TATDN3: variants seen among roughly 807,000 people sequenced by gnomAD.
TATDN3 encodes the protein deoxyribonuclease TATDN3.
In TATDN3, 29 loss-of-function variants were observed where a neutral mutation model predicts 40.1. The ratio of observed to expected loss-of-function variants is 0.72; its 90% CI spans 0.54 to 0.99. The LOEUF is 0.99. TATDN3 is among the 50% of genes least tolerant of loss of function. The probability of loss-of-function intolerance (pLI) is 0.00; values close to 1 mark genes in which losing one functional copy is unlikely to be tolerated. For missense variants in TATDN3, 309 were observed against 321.9 expected (o/e 0.96, Z 0.31); for synonymous variants, 105 against 117.0 (o/e 0.90, Z 0.66).
chr1:212,802,790 G>C (rs901147310), intron 5 of TATDN3, 27 bp downstream of exon 5: 3 of 1,506,468 alleles, frequency 2.0e-6, no homozygotes, highest in Non-Finnish European at 2.8e-6. Flanking sequence ...TGATCAAACA[G>C]CTTCTAATTC....
At position 212,815,188 on chromosome 1, in the gene TATDN3, A is replaced by C. The variant is rs780274080; in HGVS notation, c.*32A>C. 6.3e-7 allele frequency: 1 copy of C among 1,588,782 alleles called. No individual in the cohort carries two copies. The highest frequency in any genetic ancestry group is 8.5e-7 in the Non-Finnish European group (1 of 1,170,966). ...AACCATCCATTACAAAATCGAATCA[A>C]CTGCAGGGGGCAGCATTTGAAAAAT... On this transcript the variant is annotated 3_prime_UTR_variant, in exon 10 of 10. Coordinates refer to ENST00000366974, the MANE Select transcript of TATDN3 (RefSeq NM_001042552.3).
rs1182467047 is a variant in TATDN3 at position 212,815,072 on chromosome 1, G to A, written c.741G>A (p.Gly247=). Residue 247 remains glycine, a synonymous_variant, in exon 10 of 10, where the codon GGG becomes GGA. Transcript: ENST00000366974. ...CAGAATATATTGCCCAGGTGAAAGG[G>A]ATCTCAGTGGAAGAAGTTATAGAAG... ...ISAEYIAQVK[G]ISVEEVIEVT... is the part of the protein sequence containing the mutation. 1.2e-6 allele frequency: 2 copies of A among 1,614,102 alleles called. No individual in the cohort carries two copies. Among genetic ancestry groups the A allele is most frequent in the Non-Finnish European group, 1.7e-6 (2 of 1,180,010 alleles).
intron 8 of TATDN3, among the ~76,000 whole-genome samples, chr1:212,811,022 G>A (rs971157159): frequency 3.6e-4 from 54 of 151,970 alleles, no homozygotes; most frequent in African/African-American, 1.2e-3. Flanking sequence ...TCACTCTGTC[G>A]CCCAGGCTGG....
intron 2 of TATDN3, among the ~76,000 whole-genome samples, chr1:212,795,846 A>G (rs912013242): frequency 2.0e-5 from 3 of 152,322 alleles, no homozygotes; most frequent in East Asian, 3.9e-4. Context: ...CCCCATTTTT[A>G]TAGATGAGGA....
At chr1:212,804,795 G>A (rs1440851857) in intron 7 of TATDN3, 144 bp downstream of exon 7, 2 of 671,730 alleles carry the variant, frequency 3.0e-6, no homozygotes, top group Non-Finnish European at 5.2e-6. Flanking sequence ...AGATGATGTT[G>A]CAGGTCAGGC....
chr1:212,811,256 C>T (rs1221508992), intron 8 of TATDN3, among the ~76,000 whole-genome samples: 1 of 151,746 alleles, frequency 6.6e-6, no homozygotes, highest in Admixed American at 6.6e-5. Context: ...CCTCAACCTC[C>T]CGAGTAGCTG....
intron 1 of TATDN3, among the ~76,000 whole-genome samples, chr1:212,794,160 A>T (rs1661562394): frequency 6.6e-6 from 1 of 152,056 alleles, no homozygotes; most frequent in Non-Finnish European, 1.5e-5. Context: ...ATGTGCCTGT[A>T]GTCCCAGCTA....
chr1:212,804,492 C>A, intron 6 of TATDN3, 63 bp downstream of exon 6: 1 of 1,539,634 alleles, frequency 6.5e-7, no homozygotes, highest in South Asian at 1.1e-5. Context: ...TCAGAGTTCT[C>A]CTGAAATGGA....
intron 8 of TATDN3, among the ~76,000 whole-genome samples, chr1:212,810,042 A>T (rs1424505871): frequency 6.6e-6 from 1 of 151,524 alleles, no homozygotes; most frequent in East Asian, 1.9e-4. Flanking sequence ...ATTAATTAAT[A>T]AAAAAATAAA....
At chr1:212,794,914 C>T (rs1252513308) in intron 1 of TATDN3, 181 bp from the exon 2 acceptor site, 1 of 655,802 alleles carries the variant, frequency 1.5e-6, no homozygotes, top group Non-Finnish European at 2.8e-6. Flanking sequence ...GAACAGTAGC[C>T]AGACTTTACT....
intron 8 of TATDN3, among the ~76,000 whole-genome samples, chr1:212,808,559 A>G (rs1262953863): frequency 6.6e-6 from 1 of 152,214 alleles, no homozygotes; most frequent in African/African-American, 2.4e-5. Context: ...TTTTCAAGCC[A>G]TGTATCTGAT....
chr1:212,798,300 T>C (rs933519638), intron 4 of TATDN3, among the ~76,000 whole-genome samples: 2 of 151,990 alleles, frequency 1.3e-5, no homozygotes, highest in African/African-American at 4.8e-5. Flanking sequence ...CACTCCAGCC[T>C]GGGTGACAGA....
chr1:212,810,507 G>A (rs1428778525), intron 8 of TATDN3, among the ~76,000 whole-genome samples: 2 of 77,272 alleles, frequency 2.6e-5, no homozygotes, highest in African/African-American at 4.9e-5. Flanking sequence ...GCGAGACTCT[G>A]TCTCAAAAAA....
In TATDN3 at chr1:212,804,577, T is replaced by C; in HGVS notation, c.432-19T>C. 3 of 1,609,510 alleles carry C rather than the reference T, an allele frequency of 1.9e-6. No individual in the cohort carries two copies. The highest frequency in any genetic ancestry group is 2.5e-6 in the Non-Finnish European group (3 of 1,178,346). On this transcript the variant is annotated intron_variant, in intron 6 of 9. Coordinates refer to ENST00000366974, the MANE Select transcript of TATDN3 (RefSeq NM_001042552.3). ...CTTTCAGAATGGTACTTAAAAGAAA[T>C]GTTGTTATCGTTAAACAGAAATGTG... is the stretch of plus-strand genomic sequence containing the variant.
chr1:212,813,984 T>G (rs1161996953), intron 9 of TATDN3, among the ~76,000 whole-genome samples: 2 of 151,978 alleles, frequency 1.3e-5, no homozygotes, highest in African/African-American at 2.4e-5. Flanking sequence ...ATATTTTTTT[T>G]GTTAATTTTT....
intron 1 of TATDN3, among the ~76,000 whole-genome samples, chr1:212,793,925 A>C (rs1661538679): frequency 1.3e-5 from 2 of 152,178 alleles, no homozygotes; most frequent in Non-Finnish European, 1.5e-5. Context: ...ATCCCATCCA[A>C]ATGAAGATGT....
intron 8 of TATDN3, 128 bp from the exon 9 acceptor site, chr1:212,812,120 A>G (rs1057471195): frequency 1.7e-6 from 1 of 581,910 alleles, no homozygotes; most frequent in African/African-American, 2.0e-5. Flanking sequence ...GGCGTGAGCC[A>G]CCGCGCCCAG....
Position 212,796,554 on chromosome 1 carries a change from C to G in TATDN3, c.137C>G (p.Ser46Ter). 2.6e-6 allele frequency: 4 copies of G among 1,545,046 alleles called. No homozygotes were observed. Among genetic ancestry groups the G allele is most frequent in the East Asian group, 2.4e-5 (1 of 42,546 alleles). ...GCCCTTGTGGCAGTTGCCGAACATT[C>G]AGGAGAATTTGAAAAGATTATGCAA... ...VVALVAVAEH[S>*]GEFEKIMQLS... The change falls in exon 3 of 10, where the codon TCA becomes TGA. Residue 46 changes from serine to a stop codon, truncating the protein, a stop_gained. Transcript: ENST00000366974. LOFTEE classifies it high-confidence loss of function.
rs183968937 is a variant in TATDN3, at chr1:212,812,932, G to A, written c.681+604G>A. Among the ~76,000 whole-genome samples, 576 of 152,128 alleles carry A rather than the reference G, an allele frequency of 3.8e-3. 7 individuals are homozygous for A. The highest frequency in any genetic ancestry group is 0.013 in the African/African-American group (521 of 41,510). On this transcript the variant is annotated intron_variant, in intron 9 of 9. Coordinates refer to ENST00000366974, the MANE Select transcript of TATDN3 (RefSeq NM_001042552.3). ...TGAGGCAGGAGAATCGCTTGAACCC[G>A]GGAGGTGGAGGTTGCAGTGAGCCGA...
Sources: gnomAD v4.1 joint callset for allele counts (sites outside exome capture counted in the v4.1 genomes callset) on GRCh38, gnomAD v4.1.1 for gene constraint, MANE v1.5 for transcripts, NCBI Gene and HGNC (gene_info 2026-07-23, HGNC 2026-07-21) for gene names.